Variants in DOCK3 observed in about 807,000 individuals in gnomAD.
DOCK3 encodes dedicator of cytokinesis protein 3.
In DOCK3, 60 loss-of-function variants were observed where a neutral mutation model predicts 265.6. The ratio of observed to expected loss-of-function variants is 0.23; its 90% confidence interval spans 0.18 to 0.28. DOCK3 has a LOEUF of 0.28. Among genes scored for constraint, DOCK3 ranks in the 10% least tolerant of loss-of-function variants. The pLI is 1.00. For synonymous variants in DOCK3, 881 were observed against 938.0 expected, an observed-to-expected ratio of 0.94 and a Z score of 1.11; for missense variants, 1,981 against 2,594.3, an observed-to-expected ratio of 0.76 and a Z score of 5.14.
intron 1 of DOCK3, among the ~76,000 whole-genome samples, chr3:50,746,520 GAAGTTTT>G (rs2039455901): frequency 6.6e-6 from 1 of 152,116 alleles, no homozygotes; most frequent in Non-Finnish European, 1.5e-5. Context: ...ATGCCTTCTG[GAAGTTTT>G]ATAATTTTAG....
At chr3:50,824,591 G>C (rs1278738474) in intron 2 of DOCK3, among the ~76,000 whole-genome samples, 1 of 152,100 alleles carries the variant, frequency 6.6e-6, no homozygotes, top group Non-Finnish European at 1.5e-5. Context: ...CCCAAGTCTT[G>C]CCTGTTCACT....
At chr3:51,315,272 C>T in intron 32 of DOCK3, 144 bp downstream of exon 32, 1 of 1,048,078 alleles carries the variant, frequency 9.5e-7, no homozygotes. Context: ...TTTTCCCTTA[C>T]TTGCTGGCCA....
chr3:50,821,450 C>T (rs1295711491), intron 2 of DOCK3, among the ~76,000 whole-genome samples: 2 of 152,002 alleles, frequency 1.3e-5, no homozygotes, highest in African/African-American at 4.8e-5. Context: ...CAGGTGACCG[C>T]CACCACACCC....
rs2088676271 is a variant in DOCK3 at position 51,381,895 on chromosome 3, T to G, written c.*336T>G. 4.5e-6 allele frequency: 1 copy of G among 224,396 alleles called. No individual in the cohort carries two copies. Among genetic ancestry groups the G allele is most frequent in the South Asian group, 1.2e-4 (1 of 8,084 alleles). The allele number at this position is 224,396 out of a possible 1,614,324, so 13.9% of individuals were successfully genotyped here. The stretch of plus-strand genomic sequence containing the variant: ...GAGAAATTGCACAGACAGAATCACT[T>G]TGCCACACTGCAGGGCCCAGGAGTG... On this transcript the variant is annotated 3_prime_UTR_variant, in exon 53 of 53. Transcript: ENST00000266037. This position sits in a 1 kb window ranked among gnomAD's most constrained non-coding sequence, Gnocchi z 5.6.
Position 50,869,242 on chromosome 3 carries a change from G to A in DOCK3, c.163-20784G>A, listed in dbSNP as rs113718928. On this transcript the variant is annotated intron_variant, in intron 3 of 52. Transcript: ENST00000266037. The stretch of plus-strand genomic sequence containing the variant: ...GCCCACCTTGGCCTCCCAAAGTATT[G>A]GGATTACAGGCGTGAGCCGCTGCGC... Among the ~76,000 whole-genome samples the A allele has an allele frequency of 4.7e-5, 7 of 150,304 alleles. 2 individuals are homozygous for A. The highest frequency in any genetic ancestry group is 1.7e-4 in the African/African-American group (7 of 41,002).
At chr3:51,177,994 A>C (rs2087052639) in intron 12 of DOCK3, among the ~76,000 whole-genome samples, 1 of 83,188 alleles carries the variant, frequency 1.2e-5, no homozygotes, top group Admixed American at 1.2e-4. Flanking sequence ...CATCTCAAAA[A>C]AACAAAAAAC....
chr3:51,375,605 G>A (rs2088045382), intron 50 of DOCK3, 143 bp from the exon 51 acceptor site: 6 of 883,752 alleles, frequency 6.8e-6, no homozygotes, highest in Admixed American at 6.1e-5. Flanking sequence ...GGGGGTCTCA[G>A]TATATCTCAA....
chr3:50,966,132 C>A (rs576344866), intron 5 of DOCK3, among the ~76,000 whole-genome samples: 1 of 151,818 alleles, frequency 6.6e-6, no homozygotes, highest in South Asian at 2.1e-4. Flanking sequence ...ACATTTCATT[C>A]ATGTTGCTGT....
At chr3:51,006,709 G>T (rs939118456) in intron 5 of DOCK3, among the ~76,000 whole-genome samples, 1 of 151,990 alleles carries the variant, frequency 6.6e-6, no homozygotes, top group African/African-American at 2.4e-5. Context: ...GTGCTGTGTT[G>T]GTTTGCTGCA....
intron 21 of DOCK3, among the ~76,000 whole-genome samples, chr3:51,240,693 G>A (rs920583966): frequency 2.0e-5 from 3 of 152,120 alleles, no homozygotes; most frequent in Non-Finnish European, 4.4e-5. Context: ...ACCCTTCTTT[G>A]TCTTTTGCAG....
intron 27 of DOCK3, among the ~76,000 whole-genome samples, chr3:51,297,651 A>C (rs1197154125): frequency 6.6e-6 from 1 of 152,146 alleles, no homozygotes; most frequent in East Asian, 1.9e-4. Context: ...GAGAGTAGAC[A>C]TAACAGGCCA....
intron 32 of DOCK3, among the ~76,000 whole-genome samples, chr3:51,317,212 A>G (rs2083413541): frequency 6.6e-6 from 1 of 151,804 alleles, no homozygotes; most frequent in South Asian, 2.1e-4. Flanking sequence ...TCTTTTGTTG[A>G]AAAGAGTATC....
chr3:50,729,421 G>A lies in DOCK3; in HGVS notation c.38-49254G>A, dbSNP rs994035794. 4.1e-5 allele frequency among the ~76,000 whole-genome samples: 6 copies of A among 145,834 alleles called. No individual in the cohort carries two copies. In the East Asian group the frequency reaches 1.2e-3, roughly 29 times the overall value. On this transcript the variant is annotated intron_variant, in intron 1 of 52. Coordinates refer to ENST00000266037, the MANE Select transcript of DOCK3 (RefSeq NM_004947.5). ...TTTATTATTATACTTTAAGTTTTAGGGTACATGTGCACAATGTGCAGGTTA... is the reference window on the plus strand; with the variant it reads ...TTTATTATTATACTTTAAGTTTTAGAGTACATGTGCACAATGTGCAGGTTA...
chr3:50,997,160 C>T (rs1414683381), intron 5 of DOCK3, among the ~76,000 whole-genome samples: 1 of 152,178 alleles, frequency 6.6e-6, no homozygotes, highest in Non-Finnish European at 1.5e-5. Flanking sequence ...TCTGTATACC[C>T]AGTGCCTAAC....
chr3:51,179,018 A>G (rs574308876), intron 12 of DOCK3, among the ~76,000 whole-genome samples: 12 of 152,308 alleles, frequency 7.9e-5, no homozygotes, highest in Admixed American at 7.8e-4. Flanking sequence ...TTGCCTTTAA[A>G]TAGGATGAGC....
At chr3:50,698,805 G>T (rs2107800353) in intron 1 of DOCK3, among the ~76,000 whole-genome samples, 1 of 151,950 alleles carries the variant, frequency 6.6e-6, no homozygotes, top group South Asian at 2.1e-4. Flanking sequence ...TTGGCCATTT[G>T]TATCTCTTCA....
At chr3:50,696,610 GCAA>G (rs998721485) in intron 1 of DOCK3, among the ~76,000 whole-genome samples, 5 of 152,172 alleles carry the variant, frequency 3.3e-5, no homozygotes, top group African/African-American at 9.7e-5. Context: ...AAAGATTTGT[GCAA>G]GGTGTTTTGG....
intron 27 of DOCK3, among the ~76,000 whole-genome samples, chr3:51,303,814 C>T (rs1053091931): frequency 2.0e-5 from 3 of 152,198 alleles, no homozygotes; most frequent in African/African-American, 7.2e-5. Context: ...CCCTGAGAGG[C>T]ACTGACCTGA....
intron 9 of DOCK3, among the ~76,000 whole-genome samples, chr3:51,105,947 T>C (rs2083262873): frequency 6.6e-6 from 1 of 152,170 alleles, no homozygotes; most frequent in East Asian, 1.9e-4. Flanking sequence ...CCACAAATCC[T>C]GGCAGGGAGA....
Sources: gnomAD v4.1 joint callset for allele counts (sites outside exome capture counted in the v4.1 genomes callset) on GRCh38, gnomAD v4.1.1 for gene constraint, Gnocchi (gnomAD v3.1) non-coding constraint, MANE v1.5 for transcripts, NCBI Gene and HGNC (gene_info 2026-07-23, HGNC 2026-07-21) for gene names.